Variants in TUB observed in about 807,000 individuals in gnomAD.
TUB encodes tubby protein homolog.
A neutral mutation model predicts 59.7 loss-of-function variants in TUB; 33 were observed. The observed-to-expected ratio is 0.55, with a 90% confidence interval of 0.42 to 0.74. The LOEUF is 0.74. Among genes scored for constraint, TUB ranks in the 30% least tolerant of loss-of-function variants. The probability of loss-of-function intolerance (pLI) is 0.00; values close to 1 mark genes in which losing one functional copy is unlikely to be tolerated. For missense variants in TUB, 659 were observed against 672.0 expected (o/e 0.98, Z 0.21); for synonymous variants, 293 against 256.4 (o/e 1.14, Z -1.36).
chr11:8,096,575 G>T (rs1330302106), intron 5 of TUB, 110 bp from the exon 6 acceptor site: 9 of 756,162 alleles, frequency 1.2e-5, no homozygotes, highest in South Asian at 3.0e-5. Context: ...GCATAAGTTT[G>T]TGGGGGTACA....
intron 2 of TUB, among the ~76,000 whole-genome samples, chr11:8,049,574 T>TAGATAGATAG (rs1554923425): frequency 2.2e-5 from 2 of 89,714 alleles, no homozygotes; most frequent in Admixed American, 1.4e-4. Flanking sequence ...TATATATATA[T>TAGATAGATAG]ATATATAGAT....
At chr11:8,089,830 G>T (rs562208847) in intron 2 of TUB, among the ~76,000 whole-genome samples, 169 bp downstream of exon 2, 1 of 152,248 alleles carries the variant, frequency 6.6e-6, no homozygotes, top group African/African-American at 2.4e-5. Context: ...TAACCCTGCC[G>T]CGGCACATGG....
At chr11:8,031,215 G>T (rs1275863415) in intron 1 of TUB, among the ~76,000 whole-genome samples, 1 of 152,182 alleles carries the variant, frequency 6.6e-6, no homozygotes, top group African/African-American at 2.4e-5. Context: ...GTGTGAACGG[G>T]GTGGGACTGG....
intron 1 of TUB, among the ~76,000 whole-genome samples, chr11:8,025,742 G>A (rs1340598442): frequency 6.6e-6 from 1 of 152,008 alleles, no homozygotes; most frequent in Non-Finnish European, 1.5e-5. Flanking sequence ...CCACTTTTTG[G>A]CTATTACAAA....
In TUB at chr11:8,086,663, C is replaced by T. The variant is rs148519298; in HGVS notation, c.39-2947C>T. Among the ~76,000 whole-genome samples, 1,074 of 152,234 alleles carry T rather than the reference C, an allele frequency of 7.1e-3. 34 individuals carry two copies. The highest frequency in any genetic ancestry group is 0.056 in the Admixed American group (854 of 15,290). On this transcript the variant is annotated intron_variant, in intron 1 of 11. Coordinates refer to ENST00000299506, the MANE Select transcript of TUB (RefSeq NM_177972.3). ...GAATCGTGCCCACTCTCAGAGCCTC[C>T]CCATTTTAGTAGATTTAGTGTAGAC...
rs949651102 is a variant in TUB, at chr11:8,048,018, C to CT, written c.203+8336dup. Among the ~76,000 whole-genome samples, 757 of 150,018 alleles carry CT rather than the reference C, an allele frequency of 5.0e-3. 5 individuals are homozygous for CT. The highest frequency in any genetic ancestry group is 0.017 in the African/African-American group (681 of 40,928). On this transcript the variant is annotated intron_variant, in intron 2 of 12. Transcript: ENST00000305253. ...AAGCACCATGAAGGCAGGGCTGTAT[C>CT]TTTTTTTTTTCATTGTTGTGTCCTC...
intron 11 of TUB, among the ~76,000 whole-genome samples, chr11:8,101,204 T>C (rs1944285394): frequency 6.6e-6 from 1 of 152,214 alleles, no homozygotes; most frequent in Admixed American, 6.5e-5. Context: ...AGATTCTGTG[T>C]ATTCAACGGA....
chr11:8,048,098 A>G (rs1352043167), intron 2 of TUB, among the ~76,000 whole-genome samples: 8 of 152,212 alleles, frequency 5.3e-5, no homozygotes, highest in African/African-American at 1.7e-4. Context: ...CAAATGAATA[A>G]TAATAGCTAA....
intron 1 of TUB, among the ~76,000 whole-genome samples, chr11:8,022,592 A>G (rs1446370931): frequency 6.6e-6 from 1 of 152,140 alleles, no homozygotes; most frequent in Non-Finnish European, 1.5e-5. Flanking sequence ...TAGTGACTTA[A>G]AATAACAACT....
chr11:8,092,376 G>A (rs540614490), intron 3 of TUB, among the ~76,000 whole-genome samples: 5 of 151,992 alleles, frequency 3.3e-5, no homozygotes, highest in Non-Finnish European at 5.9e-5. Flanking sequence ...AGCTATGATC[G>A]TGCCACTGCA....
chr11:8,072,596 TC>T (rs749952569), intron 2 of TUB, among the ~76,000 whole-genome samples: 6 of 152,196 alleles, frequency 3.9e-5, no homozygotes, highest in African/African-American at 7.2e-5. Flanking sequence ...CTAAATGTTG[TC>T]CCATCTCCGT....
intron 2 of TUB, among the ~76,000 whole-genome samples, chr11:8,056,834 C>T (rs567032023): frequency 1.3e-5 from 2 of 152,072 alleles, no homozygotes; most frequent in African/African-American, 2.4e-5. Context: ...AAAACAAGCA[C>T]ATGGTGTGTC....
At chr11:8,097,144 T>C in intron 6 of TUB, 84 bp from the exon 7 acceptor site, 2 of 1,484,172 alleles carry the variant, frequency 1.3e-6, no homozygotes, top group Non-Finnish European at 1.9e-6. Context: ...ACCGCCACGT[T>C]AGGAGGCAGA....
In TUB at chr11:8,081,239, G is replaced by A; in HGVS notation, c.-272G>A. Reference sequence around the variant, plus strand: ...CCCGCCTTGGCGCCAGAGGGGCGCGGGACGGTGCGGTCGGCCTCCCCGCCT... The same window carrying A: ...CCCGCCTTGGCGCCAGAGGGGCGCGAGACGGTGCGGTCGGCCTCCCCGCCT... On this transcript the variant is annotated 5_prime_UTR_variant, in exon 1 of 12. Transcript: ENST00000299506. The A allele has an allele frequency of 5.7e-6, 2 of 349,034 alleles. No individual in the cohort carries two copies. Among genetic ancestry groups the A allele is most frequent in the South Asian group, 1.2e-4 (1 of 8,682 alleles). 21.6% of individuals were successfully genotyped at this position (349,034 alleles called of 1,614,324 possible).
intron 2 of TUB, among the ~76,000 whole-genome samples, chr11:8,055,612 C>T (rs1366771326): frequency 6.6e-6 from 1 of 152,226 alleles, no homozygotes; most frequent in Non-Finnish European, 1.5e-5. Context: ...GGCCCCTCAC[C>T]CCAGGACTCA....
upstream of TUB, chr11:8,038,519 G>A: frequency 1.2e-6 from 1 of 833,998 alleles, no homozygotes; most frequent in Non-Finnish European, 1.5e-6. Context: ...TGTCCGCAGT[G>A]CACTTGTCTC....
chr11:8,022,895 AAAAACAAAAC>A (rs372849083), intron 1 of TUB, among the ~76,000 whole-genome samples: 7 of 152,220 alleles, frequency 4.6e-5, no homozygotes, highest in African/African-American at 1.4e-4. Flanking sequence ...ACTGTGTCTC[AAAAACAAAAC>A]AAAACAAAAC....
chr11:8,060,385 T>G (rs1018965639), intron 2 of TUB, among the ~76,000 whole-genome samples: 1 of 152,156 alleles, frequency 6.6e-6, no homozygotes, highest in African/African-American at 2.4e-5. Flanking sequence ...TGGGTCGGGT[T>G]GCTGGCCACC....
At chr11:8,059,429 G>A (rs1038101116) in intron 2 of TUB, among the ~76,000 whole-genome samples, 7 of 152,156 alleles carry the variant, frequency 4.6e-5, no homozygotes, top group African/African-American at 1.7e-4. Context: ...AGTGCCTCTC[G>A]ACATTTAGTG....
Sources: gnomAD v4.1 joint callset for allele counts (sites outside exome capture counted in the v4.1 genomes callset) on GRCh38, gnomAD v4.1.1 for gene constraint, MANE v1.5 for transcripts, NCBI Gene and HGNC (gene_info 2026-07-23, HGNC 2026-07-21) for gene names.